Variants in AGBL3 observed in about 807,000 individuals in gnomAD.
AGBL3 encodes the protein AGBL carboxypeptidase 3, also known as cytosolic carboxypeptidase 3.
In AGBL3, 68 loss-of-function variants were observed where a neutral mutation model predicts 94.5. The ratio of observed to expected loss-of-function variants is 0.72; its 90% CI spans 0.59 to 0.88. The LOEUF is 0.88. Ranked by LOEUF, AGBL3 falls within the 40% of genes least tolerant of loss-of-function variation. The pLI, the probability that AGBL3 is intolerant of heterozygous loss-of-function variation, is 0.00. For synonymous variants in AGBL3, 354 were observed against 370.7 expected (o/e 0.95, Z 0.52); for missense variants, 934 against 1,103.8 (o/e 0.85, Z 2.18).
chr7:135,001,784 A>T (rs1426654968), intron 4 of AGBL3, among the ~76,000 whole-genome samples: 1 of 152,210 alleles, frequency 6.6e-6, no homozygotes, highest in Non-Finnish European at 1.5e-5. Flanking sequence ...AGCTTGGCCC[A>T]GTGTCAGGAT....
intron 4 of AGBL3, among the ~76,000 whole-genome samples, chr7:134,998,224 T>A (rs1811250795): frequency 1.3e-5 from 2 of 152,214 alleles, no homozygotes; most frequent in Admixed American, 6.5e-5. Context: ...AGTTCATCAT[T>A]ATATCTTATG....
rs1485108244 is a variant in AGBL3 at position 135,080,261 on chromosome 7, G to A, written c.2038+1G>A. On this transcript the variant is annotated splice_donor_variant, in intron 14 of 16. Transcript: ENST00000436302. LOFTEE classifies it high-confidence loss of function. Reference sequence around the variant, plus strand: ...ACACAATCAAATTCTGATGTGAAAGGTAATATTCTGCTTCTACCTTCTCAT... The same window carrying A: ...ACACAATCAAATTCTGATGTGAAAGATAATATTCTGCTTCTACCTTCTCAT... 1 of 1,547,828 alleles carries A rather than the reference G, an allele frequency of 6.5e-7. No individual in the cohort carries two copies. The highest frequency in any genetic ancestry group is 8.7e-7 in the Non-Finnish European group (1 of 1,143,992).
At chr7:135,001,339 C>T (rs141667209) in intron 4 of AGBL3, among the ~76,000 whole-genome samples, 48 of 152,242 alleles carry the variant, frequency 3.2e-4, no homozygotes, top group African/African-American at 1.0e-3. Context: ...TTTAACCACA[C>T]GTGCATATAG....
chr7:135,062,100 G>C (rs1429072397), intron 12 of AGBL3, among the ~76,000 whole-genome samples: 1 of 151,820 alleles, frequency 6.6e-6, no homozygotes, highest in African/African-American at 2.4e-5. Context: ...TCAGTATACA[G>C]GTCTTTCACT....
chr7:135,046,143 A>G (rs909353852), intron 11 of AGBL3, among the ~76,000 whole-genome samples: 1 of 152,140 alleles, frequency 6.6e-6, no homozygotes, highest in African/African-American at 2.4e-5. Context: ...TGAAAGACAT[A>G]TGAAATTGGT....
intron 11 of AGBL3, among the ~76,000 whole-genome samples, chr7:135,055,891 TG>T (rs1818303095): frequency 6.6e-6 from 1 of 152,258 alleles, no homozygotes; most frequent in South Asian, 2.1e-4. Context: ...ACTTGTGCTT[TG>T]TTTTGTAGGG....
intron 16 of AGBL3, among the ~76,000 whole-genome samples, chr7:135,130,560 T>C (rs1777292143): frequency 1.3e-5 from 2 of 151,820 alleles, no homozygotes; most frequent in African/African-American, 4.8e-5. Flanking sequence ...GCAACACATG[T>C]TTTTATTTCC....
At chr7:135,083,593 C>T (rs1821097311) in intron 15 of AGBL3, among the ~76,000 whole-genome samples, 1 of 152,044 alleles carries the variant, frequency 6.6e-6, no homozygotes, top group South Asian at 2.1e-4. Flanking sequence ...TATTTTGTAT[C>T]GTATATAATT....
intron 5 of AGBL3, among the ~76,000 whole-genome samples, chr7:135,023,954 C>T (rs1814797637): frequency 6.6e-6 from 1 of 152,356 alleles, no homozygotes; most frequent in Non-Finnish European, 1.5e-5. Context: ...AGGCCAGTTA[C>T]AATGTCCCAG....
intron 15 of AGBL3, chr7:135,094,146 G>A (rs1402707781): frequency 3.2e-5 from 10 of 310,418 alleles, no homozygotes; most frequent in African/African-American, 2.2e-4. Flanking sequence ...ACTCTTAGAA[G>A]AAAATATAGA....
chr7:135,072,468 T>A (rs1393064613), intron 12 of AGBL3, among the ~76,000 whole-genome samples: 1 of 152,202 alleles, frequency 6.6e-6, no homozygotes, highest in Admixed American at 6.5e-5. Context: ...TGCACATGTA[T>A]GTTTATTGCG....
At position 135,135,646 on chromosome 7, in the gene AGBL3, AT is replaced by A. The variant is rs2117380599; in HGVS notation, c.*387del. 1 of 157,106 alleles carries A rather than the reference AT, an allele frequency of 6.4e-6. No homozygotes were observed. Among genetic ancestry groups the A allele is most frequent in the South Asian group, 2.0e-4 (1 of 5,046 alleles). 9.7% of individuals were successfully genotyped at this position (157,106 alleles called of 1,614,324 possible). On this transcript the variant is annotated 3_prime_UTR_variant, in exon 17 of 17. Transcript: ENST00000436302. ...ACCTCCCTACTAGACACTTTAATCA[AT>A]TAGTCAACAAACATCATTTCCTGAT...
chr7:135,032,408 G>A (rs866273221), intron 5 of AGBL3, among the ~76,000 whole-genome samples: 12 of 151,446 alleles, frequency 7.9e-5, no homozygotes, highest in Non-Finnish European at 1.2e-4. Context: ...AGGTTCAAGC[G>A]ATTCTCCTGC....
chr7:135,132,044 T>TAA (rs1336582453), intron 16 of AGBL3, among the ~76,000 whole-genome samples: 1 of 152,072 alleles, frequency 6.6e-6, no homozygotes, highest in Non-Finnish European at 1.5e-5. Flanking sequence ...TTTAAAACCC[T>TAA]AAAAAAGAAA....
chr7:135,005,455 A>C (rs1447484579), intron 4 of AGBL3, among the ~76,000 whole-genome samples: 1 of 151,806 alleles, frequency 6.6e-6, no homozygotes, highest in Non-Finnish European at 1.5e-5. Flanking sequence ...TGAAGTAAAT[A>C]AAAGAAGATC....
At chr7:135,119,849 C>G (rs1826893237) in intron 16 of AGBL3, among the ~76,000 whole-genome samples, 1 of 152,148 alleles carries the variant, frequency 6.6e-6, no homozygotes, top group Non-Finnish European at 1.5e-5. Context: ...TGCACTCCAG[C>G]CTGGGTGACA....
chr7:134,989,659 A>G (rs1584734784), intron 3 of AGBL3, among the ~76,000 whole-genome samples: 2 of 152,220 alleles, frequency 1.3e-5, no homozygotes, highest in African/African-American at 2.4e-5. Context: ...AAAGAGTCTC[A>G]TTAATAAAGT....
intron 15 of AGBL3, 73 bp downstream of exon 15, chr7:135,081,863 T>G: frequency 5.1e-6 from 5 of 984,344 alleles, no homozygotes; most frequent in Non-Finnish European, 7.3e-6. Flanking sequence ...TCTCTAGCTC[T>G]AGAAATACAC....
intron 8 of AGBL3, among the ~76,000 whole-genome samples, chr7:135,039,967 G>A (rs1265710381): frequency 1.3e-5 from 2 of 151,872 alleles, no homozygotes; most frequent in Non-Finnish European, 2.9e-5. Flanking sequence ...GTAGGAGGAA[G>A]AGAACGAGGA....
Sources: allele counts gnomAD v4.1 joint callset (sites outside exome capture counted in the v4.1 genomes callset), GRCh38; gene constraint gnomAD v4.1.1; transcripts MANE v1.5; gene names NCBI Gene and HGNC (gene_info 2026-07-23, HGNC 2026-07-21).